Variants in NBN observed in about 807,000 individuals in gnomAD.
The protein encoded by NBN is Nijmegen breakage syndrome 1 (nibrin).
A neutral mutation model predicts 90.8 loss-of-function variants in NBN; 88 were observed. That is an observed-to-expected ratio of 0.97 (90% CI 0.82 to 1.16). NBN has a LOEUF of 1.16. Ranked by LOEUF, NBN falls within the 50% of genes most tolerant of loss-of-function variation. The probability of loss-of-function intolerance (pLI) is 0.00; values close to 1 mark genes in which losing one functional copy is unlikely to be tolerated. For missense variants in NBN, 894 were observed against 869.6 expected, an observed-to-expected ratio of 1.03 and a Z score of -0.35; for synonymous variants, 328 against 295.1, an observed-to-expected ratio of 1.11 and a Z score of -1.14.
intron 9 of NBN, among the ~76,000 whole-genome samples, chr8:89,958,362 C>T (rs565574525): frequency 7.2e-5 from 11 of 152,256 alleles, no homozygotes; most frequent in African/African-American, 1.2e-4. Flanking sequence ...ACACACTGTT[C>T]GATGTTCACA....
In NBN at chr8:89,955,416, C is replaced by A. The variant is rs1336243918; in HGVS notation, c.1264G>T (p.Ala422Ser). The A allele has an allele frequency of 8.7e-6, 14 of 1,613,736 alleles. No individual in the cohort carries two copies. The highest frequency in any genetic ancestry group is 1.2e-5 in the Non-Finnish European group (14 of 1,179,804). ...TGATAGTTTGGGATTCTCATCTTAG[C>A]CAAAGTATTTGATACCATACTATTA... ...NNNSMVSNTLAKMRIPNYQLS... is the reference protein window; with the variant it reads ...NNNSMVSNTLSKMRIPNYQLS... The change falls in exon 10 of 16, where the codon GCT becomes TCT. Residue 422 changes from alanine (A) to serine (S), a missense_variant. Ala to Ser is a moderately conservative substitution (Grantham distance 99, BLOSUM62 1). Coordinates refer to ENST00000265433, the MANE Select transcript of NBN (RefSeq NM_002485.5).
chr8:89,984,448 A>G, intron 1 of NBN, 77 bp downstream of exon 1: 1 of 1,382,460 alleles, frequency 7.2e-7, no homozygotes, highest in Non-Finnish European at 1.0e-6. Flanking sequence ...GACGCGACGC[A>G]GGAATCACCC....
chr8:89,982,914 AAC>A (rs1248619988), intron 1 of NBN, 59 bp from the exon 2 acceptor site: 1 of 1,514,808 alleles, frequency 6.6e-7, no homozygotes, highest in Non-Finnish European at 9.1e-7. Flanking sequence ...CATGTACACG[AAC>A]ACACACATAC....
chr8:89,982,951 T>C, intron 1 of NBN, 96 bp from the exon 2 acceptor site: 1 of 1,261,986 alleles, frequency 7.9e-7, no homozygotes, highest in Non-Finnish European at 1.1e-6. Flanking sequence ...GATATAGGTA[T>C]GACAAATATT....
chr8:89,962,928 G>GT (rs1341930027), intron 8 of NBN, among the ~76,000 whole-genome samples: 3 of 152,098 alleles, frequency 2.0e-5, no homozygotes, highest in Non-Finnish European at 4.4e-5. Context: ...ATGTGATGTC[G>GT]TAACAGCTTT....
intron 15 of NBN, 31 bp from the exon 16 acceptor site, chr8:89,935,643 T>C (rs1441700414): frequency 1.2e-6 from 2 of 1,601,372 alleles, no homozygotes; most frequent in East Asian, 2.2e-5. Context: ...TTAAATGATA[T>C]TTAGATAAGG....
At chr8:89,962,888 C>T (rs904083795) in intron 8 of NBN, among the ~76,000 whole-genome samples, 3 of 152,014 alleles carry the variant, frequency 2.0e-5, no homozygotes, top group Non-Finnish European at 2.9e-5. Context: ...CAAAACGTCA[C>T]ACATTAAAAT....
Position 89,946,282 on chromosome 8 carries a change from A to C in NBN, c.1928T>G (p.Leu643Arg). The change falls in exon 13 of 16, where the codon CTT becomes CGT. Residue 643 changes from leucine to arginine, a missense_variant. By Grantham distance (102) the Leu-to-Arg change is moderately radical. Coordinates refer to ENST00000265433, the MANE Select transcript of NBN (RefSeq NM_002485.5). Reference protein sequence around the residue: ...SAKEISNNDKLQDDSEMLPKK... With the variant: ...SAKEISNNDKRQDDSEMLPKK... The stretch of plus-strand genomic sequence containing the variant: ...TGGAAGCATCTCACTATCATCCTGA[A>C]GTTTGTCATTGTTCTTAAATGGGGT... The C allele has an allele frequency of 6.3e-7, 1 of 1,582,898 alleles. No individual in the cohort carries two copies. Among genetic ancestry groups the C allele is most frequent in the Non-Finnish European group, 8.7e-7 (1 of 1,152,020 alleles).
chr8:89,974,781 T>C (rs1182029283), intron 5 of NBN, among the ~76,000 whole-genome samples: 1 of 152,220 alleles, frequency 6.6e-6, no homozygotes, highest in African/African-American at 2.4e-5. Flanking sequence ...GGTTTCTCAC[T>C]GCAAACATAC....
chr8:89,981,673 G>C, intron 2 of NBN, 150 bp from the exon 3 acceptor site: 4 of 774,694 alleles, frequency 5.2e-6, no homozygotes, highest in Non-Finnish European at 8.2e-6. Flanking sequence ...TTGAGAGGAA[G>C]ATCACTCAAC....
In NBN at chr8:89,934,857, C is replaced by CA. The variant is rs564878448; in HGVS notation, c.*724dup. 3.0e-3 allele frequency: 705 copies of CA among 232,842 alleles called. 3 individuals carry two copies. Among genetic ancestry groups the CA allele is most frequent in the Middle Eastern group, 6.4e-3 (5 of 786 alleles). 14.4% of individuals were successfully genotyped at this position (232,842 alleles called of 1,614,324 possible). On this transcript the variant is annotated 3_prime_UTR_variant, in exon 16 of 16. Transcript: ENST00000265433. The stretch of plus-strand genomic sequence containing the variant: ...ACTAGGACTCTAAATAAGCTCAAAA[C>CA]AGACACCCACCCAGCTCAGTAAGAC...
intron 7 of NBN, among the ~76,000 whole-genome samples, chr8:89,965,212 G>C (rs757411407): frequency 2.0e-5 from 3 of 152,024 alleles, no homozygotes; most frequent in Non-Finnish European, 2.9e-5. Context: ...AAAAAAAGAA[G>C]AGAGAGAGGA....
chr8:89,938,461 T>C (rs77937344), intron 14 of NBN, among the ~76,000 whole-genome samples: 1 of 152,094 alleles, frequency 6.6e-6, no homozygotes, highest in South Asian at 2.1e-4. Flanking sequence ...TCTCTCTCTC[T>C]CTATATGTGT....
intron 2 of NBN, 135 bp from the exon 3 acceptor site, chr8:89,981,658 T>C (rs1313568102): frequency 4.6e-6 from 4 of 876,956 alleles, no homozygotes; most frequent in African/African-American, 1.7e-5. Context: ...ACTGCTTCGG[T>C]TGCCTTGAGA....
At chr8:89,971,105 T>G in intron 6 of NBN, 68 bp downstream of exon 6, 3 of 1,490,372 alleles carry the variant, frequency 2.0e-6, no homozygotes, top group Admixed American at 1.7e-5. Flanking sequence ...CAACTACTGA[T>G]AAGAGTTAAT....
intron 7 of NBN, among the ~76,000 whole-genome samples, chr8:89,968,919 ATATAG>A (rs1435213122): frequency 2.6e-5 from 4 of 152,208 alleles, no homozygotes; most frequent in Non-Finnish European, 4.4e-5. Flanking sequence ...TATTTTTGTT[ATATAG>A]TATATCTTCT....
At chr8:89,961,879 C>A (rs367648535) in intron 8 of NBN, among the ~76,000 whole-genome samples, 1 of 152,226 alleles carries the variant, frequency 6.6e-6, no homozygotes, top group South Asian at 2.1e-4. Context: ...ATTACTAATA[C>A]AACCAGCACT....
intron 8 of NBN, among the ~76,000 whole-genome samples, chr8:89,962,670 T>C (rs1235330626): frequency 3.3e-5 from 5 of 152,230 alleles, no homozygotes; most frequent in Non-Finnish European, 7.3e-5. Flanking sequence ...TTTGGTTATA[T>C]TTAAAACTTC....
chr8:89,935,415 G>T lies in NBN; in HGVS notation c.*167C>A, dbSNP rs1586020718. On this transcript the variant is annotated 3_prime_UTR_variant, in exon 16 of 16. Coordinates refer to ENST00000265433, the MANE Select transcript of NBN (RefSeq NM_002485.5). The stretch of plus-strand genomic sequence containing the variant: ...AAGCCTGAAAACAGAACAAACAATT[G>T]TTACATACAAAAGAATCAAAGTTTT... 4.0e-6 allele frequency: 3 copies of T among 744,988 alleles called. No individual in the cohort carries two copies. The highest frequency in any genetic ancestry group is 6.6e-6 in the Non-Finnish European group (3 of 456,044). 46.1% of individuals were successfully genotyped at this position (744,988 alleles called of 1,614,324 possible). A position where few individuals can be genotyped will look rare whatever the true frequency, so the allele number is the denominator to read the frequency against.
Sources: gnomAD v4.1 joint callset for allele counts (sites outside exome capture counted in the v4.1 genomes callset) on GRCh38, gnomAD v4.1.1 for gene constraint, MANE v1.5 for transcripts, NCBI Gene and HGNC (gene_info 2026-07-23, HGNC 2026-07-21) for gene names.